SDK1: variants seen among roughly 807,000 people sequenced by gnomAD.
SDK1 encodes the protein protein sidekick-1.
A neutral mutation model predicts 245.5 loss-of-function variants in SDK1; 157 were observed. The observed-to-expected ratio is 0.64, with a 90% CI of 0.56 to 0.73. The LOEUF is 0.73. SDK1 is among the 30% of genes least tolerant of loss of function. The pLI, the probability that SDK1 is intolerant of heterozygous loss-of-function variation, is 0.00. For missense variants in SDK1, 3,583 were observed against 3,002.3 expected (o/e 1.19, Z -4.52); for synonymous variants, 1,647 against 1,278.5 (o/e 1.29, Z -6.15).
At chr7:3,988,573 C>T (rs912076266) in intron 14 of SDK1, among the ~76,000 whole-genome samples, 1 of 152,120 alleles carries the variant, frequency 6.6e-6, no homozygotes, top group African/African-American at 2.4e-5. Context: ...TGCTCTTTCT[C>T]CACACCGGTC....
chr7:3,749,374 A>C (rs532229713), intron 4 of SDK1, among the ~76,000 whole-genome samples: 9 of 152,216 alleles, frequency 5.9e-5, no homozygotes, highest in Admixed American at 5.9e-4. Context: ...ATCTCAGCTC[A>C]CTGCAACCTC....
chr7:3,983,696 A>T (rs1391276304), intron 13 of SDK1, among the ~76,000 whole-genome samples: 1 of 152,200 alleles, frequency 6.6e-6, no homozygotes, highest in African/African-American at 2.4e-5. Context: ...GGCCCTTCAC[A>T]TTATGAAACA....
At chr7:3,645,845 C>T (rs1782818014) in intron 4 of SDK1, among the ~76,000 whole-genome samples, 2 of 151,912 alleles carry the variant, frequency 1.3e-5, no homozygotes, top group South Asian at 2.1e-4. Context: ...GGTGAAGTTT[C>T]TGCACCTATT....
chr7:3,689,304 C>G (rs937444369), intron 4 of SDK1, among the ~76,000 whole-genome samples: 5 of 152,174 alleles, frequency 3.3e-5, no homozygotes, highest in African/African-American at 4.8e-5. Context: ...GCCATTGGAG[C>G]CTGCTATTCT....
intron 1 of SDK1, among the ~76,000 whole-genome samples, chr7:3,584,294 A>G (rs1780611539): frequency 6.6e-6 from 1 of 151,768 alleles, no homozygotes. Context: ...AACCTAATGC[A>G]CCTCTTTGGA....
At chr7:4,242,908 G>A (rs1786618602) in intron 43 of SDK1, among the ~76,000 whole-genome samples, 2 of 152,212 alleles carry the variant, frequency 1.3e-5, no homozygotes, top group Non-Finnish European at 2.9e-5. Flanking sequence ...CCTTCTCCCA[G>A]CCACTGACGC....
rs1562591941 is a variant in SDK1, at chr7:3,969,404, C to T, written c.1694C>T (p.Ser565Leu). The change falls in exon 11 of 45, where the codon TCG (serine) becomes TTG (leucine). Residue 565 changes from serine to leucine, a missense_variant. Transcript: ENST00000404826. ...AACACAGAGGGCTCCCTGAATGCATCGGCCACGCTCACTGTGTGGAGTAAG... is the reference window on the plus strand; with the variant it reads ...AACACAGAGGGCTCCCTGAATGCATTGGCCACGCTCACTGTGTGGAGTAAG... ...AANTEGSLNA[S>L]ATLTVWNRTS... 8 of 1,601,248 alleles carry T rather than the reference C, an allele frequency of 5.0e-6. 1 individual carries two copies. The highest frequency in any genetic ancestry group is 2.3e-5 in the East Asian group (1 of 44,310).
chr7:3,578,378 A>G (rs748175393), intron 1 of SDK1, among the ~76,000 whole-genome samples: 3 of 152,068 alleles, frequency 2.0e-5, no homozygotes, highest in Non-Finnish European at 4.4e-5. Context: ...TTCTGCGGAA[A>G]CAGGACAAGG....
intron 1 of SDK1, among the ~76,000 whole-genome samples, chr7:3,308,778 C>T (rs1779480957): frequency 6.6e-6 from 1 of 152,028 alleles, no homozygotes; most frequent in African/African-American, 2.4e-5. Context: ...TTTCTCCTTT[C>T]TATAACTCTC....
Position 4,158,499 on chromosome 7 carries a change from T to A in SDK1, c.4677T>A (p.Ile1559=), listed in dbSNP as rs751221470. 3.7e-6 allele frequency: 6 copies of A among 1,613,786 alleles called. No homozygotes were observed. Among genetic ancestry groups the A allele is most frequent in the African/African-American group, 1.3e-5 (1 of 75,034 alleles). The change falls in exon 31 of 45, where the codon ATT becomes ATA. Residue 1559 remains isoleucine (I), a synonymous_variant. Transcript: ENST00000404826. ...YKLRLKATND[I]GDSDFSSETE... ...TGCGCCTGAAAGCCACCAACGACAT[T>A]GGGGACAGTGACTTCAGTTCAGAGA...
intron 1 of SDK1, among the ~76,000 whole-genome samples, chr7:3,459,695 C>G (rs552580814): frequency 1.3e-5 from 2 of 152,258 alleles, no homozygotes; most frequent in South Asian, 2.1e-4. Flanking sequence ...TTGGGAAGAC[C>G]TTGGTCACAT....
chr7:4,160,430 T>C (rs769400946), intron 31 of SDK1, among the ~76,000 whole-genome samples: 1 of 152,220 alleles, frequency 6.6e-6, no homozygotes, highest in Non-Finnish European at 1.5e-5. Context: ...CCCTTTGATA[T>C]TCAGATTGGG....
At chr7:4,013,387 T>C (rs996515428) in intron 16 of SDK1, among the ~76,000 whole-genome samples, 7 of 152,240 alleles carry the variant, frequency 4.6e-5, no homozygotes, top group African/African-American at 1.4e-4. Context: ...TGTGGACATA[T>C]TTGTTCATTT....
At chr7:3,755,392 G>T (rs1275336696) in intron 4 of SDK1, among the ~76,000 whole-genome samples, 2 of 152,196 alleles carry the variant, frequency 1.3e-5, no homozygotes, top group African/African-American at 4.8e-5. Context: ...TTTCTCACGC[G>T]GGTGGGAGTT....
At chr7:3,409,453 C>T (rs1243239949) in intron 1 of SDK1, among the ~76,000 whole-genome samples, 3 of 152,254 alleles carry the variant, frequency 2.0e-5, no homozygotes, top group East Asian at 3.9e-4. Flanking sequence ...CCTTGGCTGA[C>T]TTTCACCCAT....
At chr7:3,500,351 T>C (rs1019926795) in intron 1 of SDK1, among the ~76,000 whole-genome samples, 2 of 152,176 alleles carry the variant, frequency 1.3e-5, no homozygotes, top group East Asian at 3.9e-4. Context: ...GAGAAATGCA[T>C]TCTTTGAGAT....
intron 1 of SDK1, among the ~76,000 whole-genome samples, chr7:3,394,183 C>T (rs1781833813): frequency 6.6e-6 from 1 of 151,974 alleles, no homozygotes; most frequent in Admixed American, 6.5e-5. Flanking sequence ...TGGAGTCAGT[C>T]TCTCCTCTAC....
chr7:3,380,743 G>A (rs530535867), intron 1 of SDK1, among the ~76,000 whole-genome samples: 1 of 152,248 alleles, frequency 6.6e-6, no homozygotes, highest in East Asian at 1.9e-4. Context: ...ATAACAGAGT[G>A]GCTGCTGCCC....
chr7:3,698,253 G>A (rs1784632576), intron 4 of SDK1, among the ~76,000 whole-genome samples: 2 of 152,206 alleles, frequency 1.3e-5, no homozygotes, highest in Admixed American at 1.3e-4. Flanking sequence ...TGAGCAGGGA[G>A]CTTAGACTTT....
Sources: gnomAD v4.1 joint callset for allele counts (sites outside exome capture counted in the v4.1 genomes callset) on GRCh38, gnomAD v4.1.1 for gene constraint, MANE v1.5 for transcripts, NCBI Gene and HGNC (gene_info 2026-07-23, HGNC 2026-07-21) for gene names.